The following ANO6 variants were observed in gnomAD, a reference collection of about 807,000 sequenced individuals.
The protein encoded by ANO6 is anoctamin 6.
A neutral mutation model predicts 117.5 loss-of-function variants in ANO6; 106 were observed. The observed-to-expected ratio is 0.90, with a 90% CI of 0.77 to 1.06. ANO6 has a LOEUF of 1.06. Among genes scored for constraint, ANO6 ranks in the 50% least tolerant of loss-of-function variants. The pLI, the probability that ANO6 is intolerant of heterozygous loss-of-function variation, is 0.00. For synonymous variants in ANO6, 367 were observed against 385.1 expected (o/e 0.95, Z 0.55); for missense variants, 955 against 1,121.1 (o/e 0.85, Z 2.12).
intron 1 of ANO6, among the ~76,000 whole-genome samples, chr12:45,263,343 T>TA (rs1266970412): frequency 1.0e-4 from 15 of 146,560 alleles, no homozygotes; most frequent in Non-Finnish European, 2.2e-4. Context: ...TAGCTGGGAC[T>TA]ACAACCATCA....
intron 1 of ANO6, among the ~76,000 whole-genome samples, chr12:45,250,415 TG>T (rs551196851): frequency 6.6e-6 from 1 of 152,204 alleles, no homozygotes; most frequent in South Asian, 2.1e-4. Context: ...TTTATCGAGA[TG>T]GGGTCTAGCT....
rs116810341 is a variant in ANO6, at chr12:45,311,556, C to T, written c.150+9463C>T. On this transcript the variant is annotated intron_variant, in intron 2 of 19. Transcript: ENST00000320560. The stretch of plus-strand genomic sequence containing the variant: ...GAAGATCCCGATATTTAGGCAAGAA[C>T]ATGACAGCAAGATTTAAATATTTGT... Among the ~76,000 whole-genome samples the T allele has an allele frequency of 6.7e-3, 1,024 of 152,116 alleles. 6 individuals carry two copies. Among genetic ancestry groups the T allele is most frequent in the African/African-American group, 0.021 (886 of 41,524 alleles).
At chr12:45,300,587 T>G (rs1939450428) in intron 1 of ANO6, among the ~76,000 whole-genome samples, 1 of 152,216 alleles carries the variant, frequency 6.6e-6, no homozygotes, top group African/African-American at 2.4e-5. Context: ...TTGAGGACCC[T>G]ATATTGCTAG....
chr12:45,352,371 G>T (rs544671456), intron 7 of ANO6, among the ~76,000 whole-genome samples: 1 of 151,796 alleles, frequency 6.6e-6, no homozygotes, highest in East Asian at 1.9e-4. Context: ...CAAATGTCAC[G>T]TCGTTTCATT....
At chr12:45,361,628 T>C (rs1941557718) in intron 8 of ANO6, among the ~76,000 whole-genome samples, 1 of 152,084 alleles carries the variant, frequency 6.6e-6, no homozygotes, top group Admixed American at 6.5e-5. Context: ...TAGGTGTGGG[T>C]TTTTTCATTG....
chr12:45,272,294 G>A (rs986518876), intron 1 of ANO6, among the ~76,000 whole-genome samples: 2 of 151,648 alleles, frequency 1.3e-5, no homozygotes, highest in Admixed American at 1.3e-4. Context: ...GCTCAGCAGT[G>A]CATTCTGGAA....
At chr12:45,290,959 G>T (rs1013548206) in intron 1 of ANO6, among the ~76,000 whole-genome samples, 1 of 152,140 alleles carries the variant, frequency 6.6e-6, no homozygotes, top group African/African-American at 2.4e-5. Flanking sequence ...TAATGGAATA[G>T]AATCAAGAGT....
chr12:45,382,868 G>A (rs945354370), intron 10 of ANO6, among the ~76,000 whole-genome samples: 1 of 152,156 alleles, frequency 6.6e-6, no homozygotes, highest in Non-Finnish European at 1.5e-5. Flanking sequence ...GTCTTGCCTC[G>A]ATGTTGATGG....
intron 1 of ANO6, among the ~76,000 whole-genome samples, chr12:45,261,361 T>C (rs1177370998): frequency 1.3e-5 from 2 of 152,210 alleles, no homozygotes; most frequent in African/African-American, 4.8e-5. Context: ...CTATCCTGGA[T>C]TGGACACTTG....
intron 8 of ANO6, among the ~76,000 whole-genome samples, chr12:45,361,929 T>G (rs1366867149): frequency 2.6e-5 from 4 of 152,152 alleles, no homozygotes; most frequent in Admixed American, 2.6e-4. Context: ...CCATCTATAT[T>G]TGCAAGAGAT....
At chr12:45,309,021 G>T (rs1456205245) in intron 2 of ANO6, among the ~76,000 whole-genome samples, 1 of 152,086 alleles carries the variant, frequency 6.6e-6, no homozygotes, top group African/African-American at 2.4e-5. Flanking sequence ...TGTGAAATGA[G>T]TAGGTAATGT....
At chr12:45,409,888 C>T (rs897266548) in intron 16 of ANO6, among the ~76,000 whole-genome samples, 2 of 151,994 alleles carry the variant, frequency 1.3e-5, no homozygotes, top group East Asian at 1.9e-4. Context: ...CCTGAGTAGC[C>T]GGGATTACAG....
At chr12:45,331,786 G>A (rs570205378) in intron 3 of ANO6, among the ~76,000 whole-genome samples, 1 of 152,194 alleles carries the variant, frequency 6.6e-6, no homozygotes, top group Non-Finnish European at 1.5e-5. Context: ...AGCTTTCAAT[G>A]TGTGCTCACT....
At chr12:45,305,219 G>A (rs1939629726) in intron 2 of ANO6, among the ~76,000 whole-genome samples, 2 of 152,202 alleles carry the variant, frequency 1.3e-5, no homozygotes, top group Non-Finnish European at 2.9e-5. Context: ...TAAGATGGGT[G>A]TGTGGGTAAG....
chr12:45,424,590 G>T (rs1236380542), intron 19 of ANO6, among the ~76,000 whole-genome samples: 3 of 151,980 alleles, frequency 2.0e-5, no homozygotes, highest in Non-Finnish European at 4.4e-5. Flanking sequence ...GCCCTCCTCG[G>T]CCTCCCAAAG....
chr12:45,235,697 CAG>C (rs1290164046), intron 1 of ANO6, among the ~76,000 whole-genome samples: 1 of 152,180 alleles, frequency 6.6e-6, no homozygotes, highest in African/African-American at 2.4e-5. Flanking sequence ...TGTGCAAAAA[CAG>C]CTTCAAGAAA....
chr12:45,270,530 A>G, intron 1 of ANO6: 1 of 1,043,652 alleles, frequency 9.6e-7, no homozygotes, highest in Admixed American at 2.3e-5. Context: ...CCTGGGTAAG[A>G]TCCCCTTCCT....
At chr12:45,226,677 C>T (rs1429297372) in intron 1 of ANO6, among the ~76,000 whole-genome samples, 7 of 152,048 alleles carry the variant, frequency 4.6e-5, no homozygotes. Context: ...TTTGCACAAA[C>T]AAAATGATGG....
intron 1 of ANO6, among the ~76,000 whole-genome samples, chr12:45,249,470 G>T (rs1394117079): frequency 3.9e-5 from 6 of 152,166 alleles, no homozygotes; most frequent in African/African-American, 1.4e-4. Context: ...TCCTTTTGGT[G>T]TAATAGAATT....
Sources: allele counts gnomAD v4.1 joint callset (sites outside exome capture counted in the v4.1 genomes callset), GRCh38; gene constraint gnomAD v4.1.1; transcripts MANE v1.5; gene names NCBI Gene and HGNC (gene_info 2026-07-23, HGNC 2026-07-21).